The following TCF25 variants were observed in gnomAD, a reference collection of about 807,000 sequenced individuals.
TCF25 encodes the protein ribosome quality control complex subunit TCF25.
A neutral mutation model predicts 83.1 loss-of-function variants in TCF25; 41 were observed. The ratio of observed to expected loss-of-function variants is 0.49; its 90% CI spans 0.38 to 0.64. The LOEUF is 0.64. Ranked by LOEUF, TCF25 falls within the 30% of genes least tolerant of loss-of-function variation. TCF25 has a pLI of 0.00. For synonymous variants in TCF25, 458 were observed against 365.0 expected (o/e 1.25, Z -2.90); for missense variants, 979 against 914.5 (o/e 1.07, Z -0.91).
At chr16:89,907,152 C>T (rs1411355967) in intron 15 of TCF25, 91 bp from the exon 16 acceptor site, 5 of 1,269,308 alleles carry the variant, frequency 3.9e-6, no homozygotes, top group Non-Finnish European at 5.7e-6. Context: ...GCATCCAGTC[C>T]ATGCTGGAGT....
At chr16:89,878,384 G>A (rs1433245784) in intron 1 of TCF25, 7 of 1,183,410 alleles carry the variant, frequency 5.9e-6, no homozygotes, top group Admixed American at 3.4e-5. Flanking sequence ...TCAGGAGTTC[G>A]AGACCAGCCT....
At chr16:89,875,513 GTTTTTTTTTTT>G (rs1193815042) in intron 1 of TCF25, among the ~76,000 whole-genome samples, 60 of 66,006 alleles carry the variant, frequency 9.1e-4, no homozygotes, top group South Asian at 1.3e-3. Flanking sequence ...CCTGACGTGA[GTTTTTTTTTTT>G]TTTTTTTTTT....
chr16:89,908,346 CCTCCCAGCTCCCATCTTCCAG>C, intron 16 of TCF25, among the ~76,000 whole-genome samples: 1 of 146,874 alleles, frequency 6.8e-6, no homozygotes, highest in Non-Finnish European at 1.5e-5. Flanking sequence ...ACAGTTCCCA[CCTCCCAGCTCCCATCTTCCAG>C]CTCCCAGCTC....
intron 1 of TCF25, among the ~76,000 whole-genome samples, chr16:89,877,674 G>A (rs540630195): frequency 1.3e-5 from 2 of 152,294 alleles, no homozygotes; most frequent in East Asian, 1.9e-4. Context: ...GTATGGACAC[G>A]ATGGAGAGAA....
intron 3 of TCF25, among the ~76,000 whole-genome samples, chr16:89,885,221 A>G (rs550063171): frequency 6.0e-4 from 91 of 152,332 alleles, no homozygotes; most frequent in African/African-American, 2.0e-3. Context: ...CTAAGAGATC[A>G]GGGAAAAAGA....
At chr16:89,910,788 A>G in intron 17 of TCF25, 125 bp downstream of exon 17, 1 of 1,166,364 alleles carries the variant, frequency 8.6e-7, no homozygotes, top group Non-Finnish European at 1.2e-6. Context: ...GGGAAGGACC[A>G]AGGCTGCATT....
chr16:89,885,699 G>T (rs2042952018), intron 3 of TCF25, 149 bp from the exon 4 acceptor site: 1 of 668,404 alleles, frequency 1.5e-6, no homozygotes, highest in African/African-American at 1.8e-5. Context: ...TTCTAAATGT[G>T]TGGATGGTAC....
intron 1 of TCF25, chr16:89,874,438 C>T: frequency 6.5e-6 from 1 of 153,664 alleles, no homozygotes; most frequent in South Asian, 1.8e-4. Flanking sequence ...CTAGAGGGGC[C>T]TTCTCTCGGT....
intron 9 of TCF25, among the ~76,000 whole-genome samples, chr16:89,896,502 G>A (rs2043857814): frequency 6.6e-6 from 1 of 151,612 alleles, no homozygotes. Context: ...GAGCCCAGGT[G>A]TCAAGACCAG....
chr16:89,906,031 G>A, intron 14 of TCF25, 163 bp from the exon 15 acceptor site: 3 of 654,570 alleles, frequency 4.6e-6, no homozygotes, highest in Non-Finnish European at 8.0e-6. Context: ...CCAGGGACCA[G>A]CCATGGTGCC....
Position 89,911,195 on chromosome 16 carries a change from C to T in TCF25, c.1988C>T (p.Ala663Val), listed in dbSNP as rs558866331. ...AACTTCCACCTCAACGACCTGGAGGCGCCGCACGAGGACGACGCTGAGGGG... is the reference window on the plus strand; with the variant it reads ...AACTTCCACCTCAACGACCTGGAGGTGCCGCACGAGGACGACGCTGAGGGG... ...MANFHLNDLE[A>V]PHEDDAEGEG... Residue 663 changes from alanine to valine, a missense_variant, in exon 18 of 18, where the codon GCG becomes GTG. By Grantham distance (64) the Ala-to-Val change is moderately conservative. Transcript: ENST00000263346. The T allele has an allele frequency of 5.3e-5, 86 of 1,612,446 alleles. No homozygotes were observed. In the Middle Eastern group the frequency reaches 1.6e-3, roughly 29 times the overall value.
intron 11 of TCF25, among the ~76,000 whole-genome samples, chr16:89,899,545 ATGGAGAAACCC>A (rs1203480912): frequency 2.6e-5 from 4 of 152,274 alleles, no homozygotes; most frequent in Admixed American, 2.6e-4. Context: ...CAGCCTCAAC[ATGGAGAAACCC>A]TGTCTCTACT....
intron 15 of TCF25, 77 bp downstream of exon 15, chr16:89,906,361 A>AT (rs2144275236): frequency 7.0e-7 from 1 of 1,437,466 alleles, no homozygotes; most frequent in South Asian, 1.2e-5. Context: ...GGCGGTCCAC[A>AT]TGCAGGCGTG....
chr16:89,883,375 G>A lies in TCF25; in HGVS notation c.217G>A (p.Asp73Asn), dbSNP rs777453054. 1.9e-6 allele frequency: 3 copies of A among 1,613,948 alleles called. No homozygotes were observed. In the African/African-American group the frequency reaches 4.0e-5, roughly 22 times the overall value. Residue 73 changes from aspartate to asparagine, a missense_variant, in exon 2 of 18, where the codon GAC becomes AAC. Asp to Asn is a conservative substitution (Grantham distance 23). Transcript: ENST00000263346. The stretch of plus-strand genomic sequence containing the variant: ...GATAAACATTGACGATCTTGAGGAT[G>A]ACCCTGTGGTGAACGGGGAGAGGTC... Reference protein sequence around the residue: ...ELINIDDLEDDPVVNGERSGC... With the variant: ...ELINIDDLEDNPVVNGERSGC...
intron 16 of TCF25, among the ~76,000 whole-genome samples, chr16:89,908,374 GCTCCCAC>G (rs2045166233): frequency 4.3e-5 from 5 of 116,586 alleles, no homozygotes; most frequent in African/African-American, 1.7e-4. Flanking sequence ...CCAGCTCCCA[GCTCCCAC>G]CTCCCTCCTT....
In TCF25 at chr16:89,904,597, G is replaced by A. The variant is rs1597373783; in HGVS notation, c.1470-341G>A. ...CGTCTCAAAAAACAAAATAAACAAA[G>A]AGGGAGCAAACACAGGAGAAAGTGC... On this transcript the variant is annotated intron_variant, in intron 13 of 17. Coordinates refer to ENST00000263346, the MANE Select transcript of TCF25 (RefSeq NM_014972.3). 1.8e-5 allele frequency: 9 copies of A among 495,332 alleles called. No individual in the cohort carries two copies. In the East Asian group the frequency reaches 3.1e-4, roughly 17 times the overall value. 30.7% of individuals were successfully genotyped at this position (495,332 alleles called of 1,614,324 possible).
At chr16:89,885,114 C>G (rs1038381854) in intron 3 of TCF25, among the ~76,000 whole-genome samples, 4 of 151,844 alleles carry the variant, frequency 2.6e-5, no homozygotes, top group Admixed American at 6.6e-5. Context: ...CCCTCTCCCT[C>G]TGCCTGACGC....
chr16:89,887,153 T>G (rs181295784), intron 4 of TCF25, among the ~76,000 whole-genome samples: 306 of 152,074 alleles, frequency 2.0e-3, no homozygotes, highest in Middle Eastern at 3.4e-3. Context: ...CTTGCCTCAG[T>G]CTCCCAAAAT....
chr16:89,910,979 G>A, intron 17 of TCF25, 101 bp from the exon 18 acceptor site: 1 of 1,512,638 alleles, frequency 6.6e-7, no homozygotes, highest in Admixed American at 1.9e-5. Flanking sequence ...CCGGTGCTGG[G>A]GCAAGGGCCA....
Sources: allele counts gnomAD v4.1 joint callset (sites outside exome capture counted in the v4.1 genomes callset), GRCh38; gene constraint gnomAD v4.1.1; transcripts MANE v1.5; gene names NCBI Gene and HGNC (gene_info 2026-07-23, HGNC 2026-07-21).